The following CCDC85A variants were observed in gnomAD, a reference collection of about 807,000 sequenced individuals.
CCDC85A encodes the protein coiled-coil domain containing 85A.
CCDC85A carries 38 observed loss-of-function variants against 50.2 expected under a neutral mutation model. The ratio of observed to expected loss-of-function variants is 0.76; its 90% CI spans 0.58 to 0.99. CCDC85A has a LOEUF of 0.99. Among genes scored for constraint, CCDC85A ranks in the 50% least tolerant of loss-of-function variants. CCDC85A has a pLI of 0.00. For synonymous variants in CCDC85A, 366 were observed against 301.4 expected, an observed-to-expected ratio of 1.21 and a Z score of -2.22; for missense variants, 820 against 742.0, an observed-to-expected ratio of 1.11 and a Z score of -1.22.
chr2:56,246,982 T>G (rs1221021021), intron 2 of CCDC85A, among the ~76,000 whole-genome samples: 1 of 152,228 alleles, frequency 6.6e-6, no homozygotes, highest in Non-Finnish European at 1.5e-5. Context: ...GGAGTTGTGA[T>G]TATTATAATT....
At chr2:56,256,070 A>G (rs575091386) in intron 2 of CCDC85A, among the ~76,000 whole-genome samples, 1 of 152,322 alleles carries the variant, frequency 6.6e-6, no homozygotes, top group Non-Finnish European at 1.5e-5. Context: ...TAATCCTGAA[A>G]TATACAATAA....
At chr2:56,347,504 T>C (rs1313396919) in intron 3 of CCDC85A, among the ~76,000 whole-genome samples, 1 of 152,226 alleles carries the variant, frequency 6.6e-6, no homozygotes, top group African/African-American at 2.4e-5. Flanking sequence ...CATTCCTGCT[T>C]TAAAATAAAT....
intron 2 of CCDC85A, among the ~76,000 whole-genome samples, chr2:56,329,173 A>T (rs888293090): frequency 6.6e-6 from 1 of 152,100 alleles, no homozygotes; most frequent in Non-Finnish European, 1.5e-5. Flanking sequence ...TCTCAGGCTC[A>T]TTGCCATCTT....
intron 2 of CCDC85A, among the ~76,000 whole-genome samples, chr2:56,237,038 G>T (rs1669050840): frequency 1.3e-5 from 2 of 152,086 alleles, no homozygotes; most frequent in Admixed American, 1.3e-4. Context: ...TAACTAATCT[G>T]TGAAAAATGC....
chr2:56,193,405 C>T lies in CCDC85A; in HGVS notation c.1205C>T (p.Ser402Leu). Residue 402 changes from serine (S) to leucine (L), a missense_variant, in exon 2 of 6, where the codon TCA (serine) becomes TTA (leucine). Transcript: ENST00000407595. ...TLRRQAQEDG[S>L]PHHRNVYSGM... is the part of the protein sequence containing the mutation. ...AGACGGCAGGCACAGGAGGACGGGT[C>T]ACCCCATCACCGGAATGTCTACAGT... is the stretch of plus-strand genomic sequence containing the variant. The T allele has an allele frequency of 6.2e-7, 1 of 1,609,794 alleles. No individual in the cohort carries two copies. Among genetic ancestry groups the T allele is most frequent in the Non-Finnish European group, 8.5e-7 (1 of 1,178,056 alleles).
intron 2 of CCDC85A, among the ~76,000 whole-genome samples, chr2:56,272,076 A>G (rs933896559): frequency 2.6e-5 from 4 of 152,190 alleles, no homozygotes; most frequent in Non-Finnish European, 1.5e-5. Context: ...AGGACATAGT[A>G]TAATGTCACA....
At chr2:56,264,072 A>G (rs967175347) in intron 2 of CCDC85A, among the ~76,000 whole-genome samples, 2 of 152,200 alleles carry the variant, frequency 1.3e-5, no homozygotes, top group African/African-American at 2.4e-5. Context: ...GTTGAGTCAC[A>G]TGCAAAGCTG....
intron 3 of CCDC85A, among the ~76,000 whole-genome samples, chr2:56,365,271 T>G (rs543764778): frequency 6.6e-6 from 1 of 152,346 alleles, no homozygotes; most frequent in African/African-American, 2.4e-5. Context: ...GAATTAATAT[T>G]ACTTTCATTT....
Position 56,193,189 on chromosome 2 carries a change from G to C in CCDC85A, c.989G>C (p.Arg330Thr), listed in dbSNP as rs369035576. ...HRSGSSPEHA[R>T]HSGGSPEHLQ... ...TCAGGGAGCAGCCCTGAACACGCCA[G>C]GCACAGTGGAGGGAGCCCGGAGCAT... The change falls in exon 2 of 6, where the codon AGG (arginine) becomes ACG (threonine). Residue 330 changes from arginine to threonine, a missense_variant. By Grantham distance (71) the Arg-to-Thr change is moderately conservative. Coordinates refer to ENST00000407595, the MANE Select transcript of CCDC85A (RefSeq NM_001080433.2). The C allele has an allele frequency of 2.7e-5, 43 of 1,612,592 alleles. No homozygotes were observed. In the African/African-American group the frequency reaches 5.4e-4, roughly 20 times the overall value.
At chr2:56,332,601 G>C (rs1427514783) in intron 2 of CCDC85A, among the ~76,000 whole-genome samples, 1 of 151,914 alleles carries the variant, frequency 6.6e-6, no homozygotes, top group Non-Finnish European at 1.5e-5. Flanking sequence ...CTCCCCAACA[G>C]GTGCTCTTTC....
intron 4 of CCDC85A, among the ~76,000 whole-genome samples, chr2:56,374,291 C>T (rs1290203856): frequency 2.0e-5 from 3 of 152,186 alleles, no homozygotes; most frequent in East Asian, 1.9e-4. Flanking sequence ...AAGAATGTGG[C>T]CTCAGTAGGC....
chr2:56,225,941 C>T (rs189318596), intron 2 of CCDC85A, among the ~76,000 whole-genome samples: 2 of 152,264 alleles, frequency 1.3e-5, no homozygotes, highest in East Asian at 3.9e-4. Context: ...TCTGGTTAAA[C>T]AACGAGAAGA....
At chr2:56,301,096 G>T (rs13400915) in intron 2 of CCDC85A, among the ~76,000 whole-genome samples, 16 of 151,934 alleles carry the variant, frequency 1.1e-4, no homozygotes, top group Non-Finnish European at 2.4e-4. Context: ...TATTTATTTA[G>T]AAAAAAGTCA....
At chr2:56,327,030 T>A (rs1673505679) in intron 2 of CCDC85A, among the ~76,000 whole-genome samples, 1 of 152,160 alleles carries the variant, frequency 6.6e-6, no homozygotes, top group Non-Finnish European at 1.5e-5. Context: ...GCTTTATTCT[T>A]TTTCTCAGAA....
At chr2:56,343,111 A>T (rs1674458405) in intron 3 of CCDC85A, among the ~76,000 whole-genome samples, 156 bp downstream of exon 3, 1 of 152,252 alleles carries the variant, frequency 6.6e-6, no homozygotes, top group African/African-American at 2.4e-5. Context: ...ATGTTCCATG[A>T]TGGCCATCAT....
intron 2 of CCDC85A, among the ~76,000 whole-genome samples, chr2:56,195,256 C>G (rs1373847462): frequency 6.6e-6 from 1 of 152,172 alleles, no homozygotes; most frequent in East Asian, 1.9e-4. Context: ...TTAAACAATG[C>G]CTTGCATTGT....
chr2:56,324,280 T>G (rs1203914116), intron 2 of CCDC85A, among the ~76,000 whole-genome samples: 1 of 152,090 alleles, frequency 6.6e-6, no homozygotes, highest in Non-Finnish European at 1.5e-5. Context: ...TGGACATTTC[T>G]GTTAGCAGAC....
intron 3 of CCDC85A, among the ~76,000 whole-genome samples, chr2:56,359,323 C>T (rs1427175513): frequency 6.6e-6 from 1 of 152,114 alleles, no homozygotes; most frequent in African/African-American, 2.4e-5. Flanking sequence ...GACCAGGATG[C>T]TTGCATTTGA....
intron 2 of CCDC85A, among the ~76,000 whole-genome samples, chr2:56,287,729 C>A (rs1671509960): frequency 6.6e-6 from 1 of 152,168 alleles, no homozygotes; most frequent in Non-Finnish European, 1.5e-5. Context: ...AATTCTTTCT[C>A]CTTTATTTTC....
Sources: allele counts gnomAD v4.1 joint callset (sites outside exome capture counted in the v4.1 genomes callset), GRCh38; gene constraint gnomAD v4.1.1; transcripts MANE v1.5; gene names NCBI Gene and HGNC (gene_info 2026-07-23, HGNC 2026-07-21).